Variants in PPP1R12A observed in about 807,000 individuals in gnomAD.
PPP1R12A encodes the protein myosin binding subunit.
A neutral mutation model predicts 139.6 loss-of-function variants in PPP1R12A; 19 were observed. That is an observed-to-expected ratio of 0.14 (90% confidence interval 0.09 to 0.20). The LOEUF (loss-of-function observed/expected upper bound fraction) is 0.20, where lower values mean the gene tolerates loss of function less well. PPP1R12A is among the 10% of genes least tolerant of loss of function. The pLI is 1.00. For missense variants in PPP1R12A, 925 were observed against 1,211.5 expected, an observed-to-expected ratio of 0.76 and a Z score of 3.51; for synonymous variants, 427 against 420.6, an observed-to-expected ratio of 1.02 and a Z score of -0.19.
chr12:79,774,743 C>T lies in PPP1R12A; in HGVS notation c.*1186G>A, dbSNP rs753288987. ...TAACAGTGCATTTAACATTAACTCA[C>T]GGGTTAATTCTGCAAATGATTTCAT... On this transcript the variant is annotated 3_prime_UTR_variant, in exon 25 of 25. Coordinates refer to ENST00000450142, the MANE Select transcript of PPP1R12A (RefSeq NM_002480.3). 11 of 152,252 alleles carry T rather than the reference C, an allele frequency of 7.2e-5. No individual in the cohort carries two copies. Among genetic ancestry groups the T allele is most frequent in the Non-Finnish European group, 1.0e-4 (7 of 67,946 alleles). 9.4% of individuals were successfully genotyped at this position (152,252 alleles called of 1,614,324 possible). A position where few individuals can be genotyped will look rare whatever the true frequency, so the allele number is the denominator to read the frequency against.
At chr12:79,863,497 G>GC (rs1442537873) in intron 2 of PPP1R12A, among the ~76,000 whole-genome samples, 2 of 152,028 alleles carry the variant, frequency 1.3e-5, no homozygotes, top group Non-Finnish European at 2.9e-5. Context: ...TGGGCTAAAT[G>GC]CCCCACTTAA....
At chr12:79,836,719 T>C (rs1878130148) in intron 3 of PPP1R12A, among the ~76,000 whole-genome samples, 1 of 152,136 alleles carries the variant, frequency 6.6e-6, no homozygotes, top group Admixed American at 6.5e-5. Context: ...GAAAAAAAAA[T>C]CTAATTGTAC....
intron 24 of PPP1R12A, chr12:79,777,643 G>A: frequency 1.0e-6 from 1 of 984,392 alleles, no homozygotes; most frequent in East Asian, 1.1e-4. Flanking sequence ...TGCTTTATTT[G>A]GTGCAGGTTC....
Position 79,810,008 on chromosome 12 carries a change from A to G in PPP1R12A, c.1242T>C (p.Phe414=). The change falls in exon 10 of 25, where the codon TTT becomes TTC. Residue 414 remains phenylalanine, a splice_region_variant and synonymous_variant. Coordinates refer to ENST00000450142, the MANE Select transcript of PPP1R12A (RefSeq NM_002480.3). ...GAGAAATTTTTGTAGCTGTGGTTGG[A>G]AACTGTGTTTATTTTATTTTTTAGG... ...QATPTSPIKK[F]PTTATKISPK... is the part of the protein sequence containing the mutation. The G allele has an allele frequency of 6.2e-7, 1 of 1,605,616 alleles. No individual in the cohort carries two copies. The highest frequency in any genetic ancestry group is 8.5e-7 in the Non-Finnish European group (1 of 1,176,144).
Position 79,808,537 on chromosome 12 carries a change from G to A in PPP1R12A, c.1496C>T (p.Pro499Leu). 3 of 1,609,094 alleles carry A rather than the reference G, an allele frequency of 1.9e-6. No individual in the cohort carries two copies. Among genetic ancestry groups the A allele is most frequent in the Non-Finnish European group, 2.5e-6 (3 of 1,176,622 alleles). The change falls in exon 11 of 25, where the codon CCT becomes CTT. Residue 499 changes from proline (P) to leucine (L), a missense_variant. This residue lies in a region of PPP1R12A where 403 missense variants were observed against 463.7 expected (regional missense o/e 0.87). Transcript: ENST00000450142. Reference sequence around the variant, plus strand: ...ACTGGCTAGTCGTCTTGGTATTGTAGGTGCAACATATGCAAGCCTAGTTCC... The same window carrying A: ...ACTGGCTAGTCGTCTTGGTATTGTAAGTGCAACATATGCAAGCCTAGTTCC... ...SKGTRLAYVA[P>L]TIPRRLASTS...
intron 1 of PPP1R12A, among the ~76,000 whole-genome samples, chr12:79,904,244 T>C (rs1885899389): frequency 6.6e-6 from 1 of 151,632 alleles, no homozygotes; most frequent in Non-Finnish European, 1.5e-5. Flanking sequence ...ATCCCTTTTT[T>C]CTCCCAATTC....
intron 24 of PPP1R12A, among the ~76,000 whole-genome samples, chr12:79,776,953 A>C (rs1565732462): frequency 6.6e-6 from 1 of 152,208 alleles, no homozygotes; most frequent in East Asian, 1.9e-4. Flanking sequence ...GGTAAAGCAA[A>C]ATCTTTAAGA....
At chr12:79,801,832 G>A (rs1165884780) in intron 14 of PPP1R12A, among the ~76,000 whole-genome samples, 1 of 152,006 alleles carries the variant, frequency 6.6e-6, no homozygotes, top group Admixed American at 6.6e-5. Context: ...GGTTCTTCTT[G>A]CTGTTTCCAC....
chr12:79,918,923 C>G (rs1025915617), intron 1 of PPP1R12A, among the ~76,000 whole-genome samples: 1 of 151,984 alleles, frequency 6.6e-6, no homozygotes, highest in African/African-American at 2.4e-5. Flanking sequence ...TGAGACCAGC[C>G]TGGCCAACAC....
In PPP1R12A at chr12:79,832,509, G is replaced by A. The variant is rs753759280; in HGVS notation, c.488-18C>T. 1.3e-6 allele frequency: 2 copies of A among 1,555,242 alleles called. No individual in the cohort carries two copies. The highest frequency in any genetic ancestry group is 2.4e-5 in the South Asian group (2 of 82,394). On this transcript the variant is annotated intron_variant, in intron 3 of 24. Transcript: ENST00000450142. ...ATCAACCCCTGATAAAATAAAAATA[G>A]TTCTTTTTATTTTTGCTTAAAAATT... is the stretch of plus-strand genomic sequence containing the variant.
chr12:79,894,745 T>C (rs533692614), intron 1 of PPP1R12A, among the ~76,000 whole-genome samples: 8 of 152,208 alleles, frequency 5.3e-5, no homozygotes, highest in Non-Finnish European at 1.2e-4. Flanking sequence ...AACTTTTTTC[T>C]ATTAACTCAT....
chr12:79,828,594 C>A, intron 4 of PPP1R12A, 130 bp from the exon 5 acceptor site: 1 of 737,630 alleles, frequency 1.4e-6, no homozygotes, highest in Non-Finnish European at 2.1e-6. Flanking sequence ...ATCCTTCCCC[C>A]TCAATGAATT....
At chr12:79,797,805 C>T (rs1327735606) in intron 15 of PPP1R12A, among the ~76,000 whole-genome samples, 1 of 151,984 alleles carries the variant, frequency 6.6e-6, no homozygotes, top group Admixed American at 6.6e-5. Flanking sequence ...CCTTGAAGAA[C>T]AGGTTAGATT....
At chr12:79,874,162 T>G (rs1371969014) in intron 1 of PPP1R12A, among the ~76,000 whole-genome samples, 1 of 151,714 alleles carries the variant, frequency 6.6e-6, no homozygotes, top group Non-Finnish European at 1.5e-5. Context: ...TAGTCCCAGC[T>G]ACTCGGGAGG....
At chr12:79,855,146 G>A (rs1240694508) in intron 2 of PPP1R12A, among the ~76,000 whole-genome samples, 5 of 151,838 alleles carry the variant, frequency 3.3e-5, no homozygotes, top group African/African-American at 7.3e-5. Context: ...CTGCCACCAC[G>A]CCCGGCTAAT....
chr12:79,778,926 C>A, intron 23 of PPP1R12A: 3 of 227,358 alleles, frequency 1.3e-5, no homozygotes, highest in Non-Finnish European at 2.7e-5. Context: ...AGAAGAAAAA[C>A]AAAACTCACA....
intron 1 of PPP1R12A, among the ~76,000 whole-genome samples, chr12:79,929,724 ACACCACTG>A (rs1357355681): frequency 6.6e-6 from 1 of 151,956 alleles, no homozygotes; most frequent in East Asian, 1.9e-4. Context: ...AGCCAAGATT[ACACCACTG>A]CACTCCAGCC....
intron 2 of PPP1R12A, among the ~76,000 whole-genome samples, chr12:79,864,065 C>T (rs1489035619): frequency 2.6e-5 from 4 of 152,190 alleles, no homozygotes; most frequent in Non-Finnish European, 5.9e-5. Flanking sequence ...GGCCCTTATT[C>T]TAAAACTGAC....
At chr12:79,782,380 C>T in intron 22 of PPP1R12A, 1 of 253,352 alleles carries the variant, frequency 3.9e-6, no homozygotes, top group Non-Finnish European at 8.0e-6. Context: ...TCCAATCATC[C>T]ATGCTCCACA....
Sources: allele counts gnomAD v4.1 joint callset (sites outside exome capture counted in the v4.1 genomes callset), GRCh38; gene constraint gnomAD v4.1.1; regional missense constraint gnomAD v4.1.1; transcripts MANE v1.5; gene names NCBI Gene and HGNC (gene_info 2026-07-23, HGNC 2026-07-21).